The following PCDHGA6 variants were observed in gnomAD, a reference collection of about 807,000 sequenced individuals.
PCDHGA6 encodes the protein protocadherin gamma-A6.
PCDHGA6 carries 41 observed loss-of-function variants against 60.6 expected under a neutral mutation model. That is an observed-to-expected ratio of 0.68 (90% CI 0.53 to 0.88). PCDHGA6 has a LOEUF of 0.88. Ranked by LOEUF, PCDHGA6 falls within the 40% of genes least tolerant of loss-of-function variation. The pLI, the probability that PCDHGA6 is intolerant of heterozygous loss-of-function variation, is 0.00. For missense variants in PCDHGA6, 1,312 were observed against 1,203.0 expected (o/e 1.09, Z -1.34); for synonymous variants, 594 against 524.4 (o/e 1.13, Z -1.81).
Position 141,405,169 on chromosome 5 carries a change from C to G in PCDHGA6, c.2424+28662C>G, listed in dbSNP as rs377298438. 12 of 1,614,004 alleles carry G rather than the reference C, an allele frequency of 7.4e-6. No homozygotes were observed. The African/African-American group carries it at 1.6e-4, about 22-fold the overall frequency. On this transcript the variant is annotated intron_variant, in intron 1 of 3. Coordinates refer to ENST00000517434, the MANE Select transcript of PCDHGA6 (RefSeq NM_018919.3). ...GGTTGGCTGGTGTGCCCACCTCACA[C>G]TTTGTGGGTGTAGATGGGGTTCGAG...
intron 1 of PCDHGA6, chr5:141,394,106 T>C: frequency 1.2e-6 from 2 of 1,613,942 alleles, no homozygotes; most frequent in Non-Finnish European, 1.7e-6. Flanking sequence ...GAACACCACC[T>C]CTGTCCACTG....
chr5:141,419,426 G>A (rs753089031), intron 1 of PCDHGA6: 19 of 1,613,194 alleles, frequency 1.2e-5, no homozygotes, highest in Non-Finnish European at 1.5e-5. Context: ...CTTCGACCAC[G>A]AGCAGCTGCG....
At chr5:141,488,083 C>T (rs917074240) in intron 1 of PCDHGA6, among the ~76,000 whole-genome samples, 1 of 152,152 alleles carries the variant, frequency 6.6e-6, no homozygotes, top group African/African-American at 2.4e-5. Context: ...GTATCTAGTA[C>T]ACTGTGAAGG....
At chr5:141,502,056 C>A (rs1163976282) in intron 2 of PCDHGA6, among the ~76,000 whole-genome samples, 1 of 152,116 alleles carries the variant, frequency 6.6e-6, no homozygotes, top group Non-Finnish European at 1.5e-5. Context: ...CTACTTTATT[C>A]CCATTAGCCC....
At chr5:141,379,889 C>CTTTATTTTTTTTTTTTTTTTTTTTTTTT (rs1775940253) in intron 1 of PCDHGA6, among the ~76,000 whole-genome samples, 1 of 50,830 alleles carries the variant, frequency 2.0e-5, no homozygotes, top group Non-Finnish European at 3.9e-5. Flanking sequence ...GTGAAAGCCT[C>CTTTATTTTTTTTTTTTTTTTTTTTTTTT]TTTTTTTTTT....
In PCDHGA6 at chr5:141,374,681, C is replaced by G; in HGVS notation, c.598C>G (p.Leu200Val). The change falls in exon 1 of 4, where the codon CTG becomes GTG. Residue 200 changes from leucine (L) to valine (V), a missense_variant. Transcript: ENST00000517434. ...CCCGGAGCTGGTGCTGGAGGGCACACTGGACCGGGAAGGAGAAGCCGTTTA... is the reference window on the plus strand; with the variant it reads ...CCCGGAGCTGGTGCTGGAGGGCACAGTGGACCGGGAAGGAGAAGCCGTTTA... ...KYPELVLEGT[L>V]DREGEAVYRL... 1 of 1,610,216 alleles carries G rather than the reference C, an allele frequency of 6.2e-7. No homozygotes were observed. The highest frequency in any genetic ancestry group is 8.5e-7 in the Non-Finnish European group (1 of 1,178,044).
At chr5:141,388,764 T>A in intron 1 of PCDHGA6, 1 of 1,613,990 alleles carries the variant, frequency 6.2e-7, no homozygotes. Flanking sequence ...TGACCTGAAC[T>A]CTAACACCGG....
chr5:141,383,152 G>A lies in PCDHGA6; in HGVS notation c.2424+6645G>A, dbSNP rs200500982. 5.1e-5 allele frequency: 83 copies of A among 1,614,124 alleles called. No individual in the cohort carries two copies. The African/African-American group carries it at 8.8e-4, about 17-fold the overall frequency. Reference sequence around the variant, plus strand: ...CCTGAACCAGCGCAGCGGCAGCTTGGTCACTGCGGGCAGGATAGACCGGGA... The same window carrying A: ...CCTGAACCAGCGCAGCGGCAGCTTGATCACTGCGGGCAGGATAGACCGGGA... On this transcript the variant is annotated intron_variant, in intron 1 of 3. Coordinates refer to ENST00000517434, the MANE Select transcript of PCDHGA6 (RefSeq NM_018919.3).
chr5:141,393,041 T>G, intron 1 of PCDHGA6: 2 of 1,613,702 alleles, frequency 1.2e-6, no homozygotes, highest in Non-Finnish European at 1.7e-6. Flanking sequence ...AGCTCTTTGC[T>G]CTGAACCCGC....
chr5:141,427,616 C>T (rs922511046), intron 1 of PCDHGA6: 1 of 693,880 alleles, frequency 1.4e-6, no homozygotes, highest in Non-Finnish European at 2.6e-6. Context: ...GTGAAGTCAA[C>T]GACAATGCTC....
In PCDHGA6 at chr5:141,486,600, C is replaced by G. The variant is rs748395954; in HGVS notation, c.2425-8207C>G. Reference sequence around the variant, plus strand: ...AATCGCCCAGGGGACCTGCTTTGCTCCCTTGCAGCCTCTGACCCAGACTCT... The same window carrying G: ...AATCGCCCAGGGGACCTGCTTTGCTGCCTTGCAGCCTCTGACCCAGACTCT... On this transcript the variant is annotated intron_variant, in intron 1 of 3. Transcript: ENST00000517434. This position sits in a 1 kb window ranked among gnomAD's most constrained non-coding sequence, Gnocchi z 5.0. 21 of 1,613,602 alleles carry G rather than the reference C, an allele frequency of 1.3e-5. No individual in the cohort carries two copies. Among genetic ancestry groups the G allele is most frequent in the South Asian group, 2.2e-5 (2 of 91,086 alleles).
At chr5:141,395,550 G>T (rs1402921293) in intron 1 of PCDHGA6, 4 of 47,806 alleles carry the variant, frequency 8.4e-5, no homozygotes, top group South Asian at 8.8e-4. Flanking sequence ...GTTTGTGTGT[G>T]TGTGTGTGTG....
intron 1 of PCDHGA6, among the ~76,000 whole-genome samples, chr5:141,454,420 T>C (rs889393211): frequency 6.6e-6 from 1 of 152,218 alleles, no homozygotes; most frequent in African/African-American, 2.4e-5. Context: ...TATTTATTTA[T>C]TTAGAGACAG....
Position 141,453,292 on chromosome 5 carries a change from T to A in PCDHGA6, c.2425-41515T>A, listed in dbSNP as rs141563552. The stretch of plus-strand genomic sequence containing the variant: ...CCATGACTGGCTAATTTTTTAATTA[T>A]TTATTTATTTATTTATTTATTTTAG... On this transcript the variant is annotated intron_variant, in intron 1 of 3. Transcript: ENST00000517434. Among the ~76,000 whole-genome samples, 253 of 151,810 alleles carry A rather than the reference T, an allele frequency of 1.7e-3. 1 individual carries two copies. The highest frequency in any genetic ancestry group is 2.6e-3 in the Non-Finnish European group (178 of 67,938).
Position 141,422,925 on chromosome 5 carries a change from T to C in PCDHGA6, c.2424+46418T>C, listed in dbSNP as rs568894245. ...ACAATGCGCCCGAGATCCTGTACCC[T>C]GCCCTCCCCACAGACGGCTCCACTG... On this transcript the variant is annotated intron_variant, in intron 1 of 3. Transcript: ENST00000517434. 1.4e-4 allele frequency: 220 copies of C among 1,614,202 alleles called. 2 individuals are homozygous for C. The South Asian group carries it at 2.2e-3, about 16-fold the overall frequency.
intron 1 of PCDHGA6, chr5:141,413,694 C>G (rs2095667651): frequency 1.2e-6 from 2 of 1,613,800 alleles, no homozygotes; most frequent in East Asian, 4.5e-5. Context: ...CCCTGCAGAG[C>G]TATCAGCTCA....
intron 1 of PCDHGA6, among the ~76,000 whole-genome samples, chr5:141,467,824 G>A (rs1272399938): frequency 2.0e-5 from 3 of 151,798 alleles, no homozygotes; most frequent in Non-Finnish European, 4.4e-5. Flanking sequence ...ACACCAGGCT[G>A]ATTTTTATAT....
intron 1 of PCDHGA6, chr5:141,393,362 G>C (rs1377325166): frequency 5.0e-6 from 8 of 1,613,978 alleles, no homozygotes; most frequent in Non-Finnish European, 6.8e-6. Context: ...TGGACGTGCA[G>C]ACTGGAGACA....
intron 1 of PCDHGA6, chr5:141,394,431 C>G: frequency 1.2e-6 from 2 of 1,614,252 alleles, no homozygotes; most frequent in Non-Finnish European, 1.7e-6. Context: ...CAGCGGGGAC[C>G]CGCCCCTCAG....
Sources: gnomAD v4.1 joint callset for allele counts (sites outside exome capture counted in the v4.1 genomes callset) on GRCh38, gnomAD v4.1.1 for gene constraint, Gnocchi (gnomAD v3.1) non-coding constraint, MANE v1.5 for transcripts, NCBI Gene and HGNC (gene_info 2026-07-23, HGNC 2026-07-21) for gene names.